Variants in ZYX observed in about 807,000 individuals in gnomAD.
ZYX encodes the protein zyxin.
Under a neutral mutation model 58.1 loss-of-function variants are expected in ZYX, and 37 were observed. That is an observed-to-expected ratio of 0.64 (90% CI 0.49 to 0.84). The LOEUF is 0.84. Ranked by LOEUF, ZYX falls within the 40% of genes least tolerant of loss-of-function variation. The pLI, the probability that ZYX is intolerant of heterozygous loss-of-function variation, is 0.00. For missense variants in ZYX, 762 were observed against 761.6 expected (o/e 1.00, Z -0.01); for synonymous variants, 324 against 321.1 (o/e 1.01, Z -0.10).
Position 143,388,390 on chromosome 7 carries a change from G to C in ZYX, c.1144+51G>C, listed in dbSNP as rs1452694975. 6.2e-7 allele frequency: 1 copy of C among 1,609,446 alleles called. No individual in the cohort carries two copies. On this transcript the variant is annotated intron_variant, in intron 6 of 9. Coordinates refer to ENST00000322764, the MANE Select transcript of ZYX (RefSeq NM_003461.5). This position sits in a 1 kb window ranked among gnomAD's most constrained non-coding sequence, Gnocchi z 7.5. ...CCACCCTGCCCCCACATCACGGTGG[G>C]GGCCAGGGCTGTGGCTCCACTCCCT... is the stretch of plus-strand genomic sequence containing the variant.
chr7:143,386,677 G>C (rs1804877530), intron 5 of ZYX, among the ~76,000 whole-genome samples: 1 of 152,046 alleles, frequency 6.6e-6, no homozygotes, highest in South Asian at 2.1e-4. Context: ...ATGGGACCAG[G>C]CTGGGGCATG....
In ZYX at chr7:143,388,967, T is replaced by G. The variant is rs1218084497; in HGVS notation, c.1493+22T>G. ...ACAAGTGAGGACCTGCCACCTGCCT[T>G]CTGGGTTCCCGGCGTGCTTGGTCTG... On this transcript the variant is annotated intron_variant, in intron 8 of 9. Coordinates refer to ENST00000322764, the MANE Select transcript of ZYX (RefSeq NM_003461.5). This position sits in a 1 kb window ranked among gnomAD's most constrained non-coding sequence, Gnocchi z 7.5. 1.3e-6 allele frequency: 2 copies of G among 1,596,138 alleles called. No individual in the cohort carries two copies. Among genetic ancestry groups the G allele is most frequent in the South Asian group, 2.2e-5 (2 of 89,604 alleles).
intron 5 of ZYX, 118 bp downstream of exon 5, chr7:143,383,440 G>T (rs1343079801): frequency 2.4e-5 from 31 of 1,290,342 alleles, no homozygotes; most frequent in Non-Finnish European, 3.2e-5. Flanking sequence ...GGGTTGCGGG[G>T]TGGCGGGATA....
chr7:143,385,144 A>G (rs1369262608), intron 5 of ZYX, among the ~76,000 whole-genome samples: 1 of 151,932 alleles, frequency 6.6e-6, no homozygotes, highest in Non-Finnish European at 1.5e-5. Context: ...GGGAGTGAGG[A>G]CTCAAGGCTA....
intron 5 of ZYX, among the ~76,000 whole-genome samples, chr7:143,385,660 C>CTT (rs59995035): frequency 0.066 from 4,569 of 68,926 alleles, 650 homozygotes; most frequent in East Asian, 0.098. Flanking sequence ...TGTGGTATAT[C>CTT]TTTTTTTTTT....
chr7:143,384,091 T>C lies in ZYX; in HGVS notation c.1023+769T>C. On this transcript the variant is annotated intron_variant, in intron 5 of 9. Coordinates refer to ENST00000322764, the MANE Select transcript of ZYX (RefSeq NM_003461.5). The surrounding 1 kb of genome is among the most constrained non-coding windows in gnomAD (Gnocchi z 4.9). ...TACAAAATGGTTCTTGCCTTCTAGT[T>C]CAGGAAATAAGATCGTCCAATTTCT... 6.7e-6 allele frequency: 3 copies of C among 445,092 alleles called. No individual in the cohort carries two copies. Among genetic ancestry groups the C allele is most frequent in the Non-Finnish European group, 1.4e-5 (3 of 213,516 alleles). 27.6% of individuals were successfully genotyped at this position (445,092 alleles called of 1,614,324 possible). A position where few individuals can be genotyped will look rare whatever the true frequency, so the allele number is the denominator to read the frequency against.
chr7:143,385,388 G>A (rs1336867783), intron 5 of ZYX, among the ~76,000 whole-genome samples: 3 of 151,932 alleles, frequency 2.0e-5, no homozygotes, highest in Non-Finnish European at 4.4e-5. Context: ...GTGTGTGGGT[G>A]TGGGTATGGT....
Position 143,387,643 on chromosome 7 carries a change from T to C in ZYX, c.1024-576T>C, listed in dbSNP as rs1804911859. 14 of 467,012 alleles carry C rather than the reference T, an allele frequency of 3.0e-5. 1 individual carries two copies. The highest frequency in any genetic ancestry group is 2.2e-4 in the South Asian group (14 of 64,210). 28.9% of individuals were successfully genotyped at this position (467,012 alleles called of 1,614,324 possible). ...CTGGGGAGGGACCTGAGTGAGGTAG[T>C]TCAGAGGCCCCTCACTCGAGGGACA... On this transcript the variant is annotated intron_variant, in intron 5 of 9. Coordinates refer to ENST00000322764, the MANE Select transcript of ZYX (RefSeq NM_003461.5). This position sits in a 1 kb window ranked among gnomAD's most constrained non-coding sequence, Gnocchi z 5.8.
In ZYX at chr7:143,388,038, T is replaced by C; in HGVS notation, c.1024-181T>C. 1.5e-6 allele frequency: 1 copy of C among 673,212 alleles called. No individual in the cohort carries two copies. The allele number at this position is 673,212 out of a possible 1,614,324, so 41.7% of individuals were successfully genotyped here. Reference sequence around the variant, plus strand: ...AGGCTTAGGTCCCTTCCCCTGTTATTTGTGTGGTGCTGGGGATGGCGGGGG... The same window carrying C: ...AGGCTTAGGTCCCTTCCCCTGTTATCTGTGTGGTGCTGGGGATGGCGGGGG... On this transcript the variant is annotated intron_variant, in intron 5 of 9. Transcript: ENST00000322764. The surrounding 1 kb of genome is among the most constrained non-coding windows in gnomAD (Gnocchi z 7.5).
chr7:143,387,899 A>G lies in ZYX; in HGVS notation c.1024-320A>G. 2.0e-6 allele frequency: 1 copy of G among 507,720 alleles called. No individual in the cohort carries two copies. The highest frequency in any genetic ancestry group is 1.5e-5 in the South Asian group (1 of 64,868). 31.5% of individuals were successfully genotyped at this position (507,720 alleles called of 1,614,324 possible). On this transcript the variant is annotated intron_variant, in intron 5 of 9. Coordinates refer to ENST00000322764, the MANE Select transcript of ZYX (RefSeq NM_003461.5). The surrounding 1 kb of genome is among the most constrained non-coding windows in gnomAD (Gnocchi z 5.8). ...GTGGCCCTGGAGTGTCCGGTGCTTC[A>G]GTGACCCGAGCTGCTGTGTGCGTGG...
Position 143,384,053 on chromosome 7 carries a change from G to T in ZYX, c.1023+731G>T. ...ATCTAGTACAGGAATGCTCAAAATA[G>T]AAAAGCTGTAATTACAAAATGGTTC... is the stretch of plus-strand genomic sequence containing the variant. On this transcript the variant is annotated intron_variant, in intron 5 of 9. Transcript: ENST00000322764. This position sits in a 1 kb window ranked among gnomAD's most constrained non-coding sequence, Gnocchi z 4.9. The T allele has an allele frequency of 2.5e-6, 1 of 405,052 alleles. No individual in the cohort carries two copies. The allele number at this position is 405,052 out of a possible 1,614,324, so 25.1% of individuals were successfully genotyped here.
Position 143,390,779 on chromosome 7 carries a change from T to C in ZYX, c.*97T>C. 3.2e-6 allele frequency: 3 copies of C among 943,796 alleles called. No individual in the cohort carries two copies. Among genetic ancestry groups the C allele is most frequent in the Non-Finnish European group, 4.9e-6 (3 of 612,334 alleles). The allele number at this position is 943,796 out of a possible 1,614,324, so 58.5% of individuals were successfully genotyped here. A position where few individuals can be genotyped will look rare whatever the true frequency, so the allele number is the denominator to read the frequency against. ...CCACCTCAGTTATTGTTTTGATGTC[T>C]AGCCCCTCCCATTTCCAACCCCTCC... On this transcript the variant is annotated 3_prime_UTR_variant, in exon 10 of 10. Coordinates refer to ENST00000322764, the MANE Select transcript of ZYX (RefSeq NM_003461.5). This position sits in a 1 kb window ranked among gnomAD's most constrained non-coding sequence, Gnocchi z 4.3.
chr7:143,387,641 A>G lies in ZYX; in HGVS notation c.1024-578A>G, dbSNP rs1804911621. On this transcript the variant is annotated intron_variant, in intron 5 of 9. Coordinates refer to ENST00000322764, the MANE Select transcript of ZYX (RefSeq NM_003461.5). This position sits in a 1 kb window ranked among gnomAD's most constrained non-coding sequence, Gnocchi z 5.8. ...TGCTGGGGAGGGACCTGAGTGAGGT[A>G]GTTCAGAGGCCCCTCACTCGAGGGA... 2 of 466,128 alleles carry G rather than the reference A, an allele frequency of 4.3e-6. No individual in the cohort carries two copies. Among genetic ancestry groups the G allele is most frequent in the Non-Finnish European group, 8.9e-6 (2 of 224,060 alleles). 28.9% of individuals were successfully genotyped at this position (466,128 alleles called of 1,614,324 possible).
At position 143,390,425 on chromosome 7, in the gene ZYX, TGG is replaced by T. The variant is rs1805028872; in HGVS notation, c.1615-150_1615-149del. On this transcript the variant is annotated intron_variant, in intron 9 of 9. Transcript: ENST00000322764. This position sits in a 1 kb window ranked among gnomAD's most constrained non-coding sequence, Gnocchi z 4.3. ...TGGGTGACTGGAAGTAGGATAGGGATGGGGAGTTGGGTGTGGCTGGAAAAAGC... is the reference window on the plus strand; with the variant it reads ...TGGGTGACTGGAAGTAGGATAGGGATGGAGTTGGGTGTGGCTGGAAAAAGC... 5 of 639,556 alleles carry T rather than the reference TGG, an allele frequency of 7.8e-6. No individual in the cohort carries two copies. The South Asian group carries it at 9.1e-5, about 12-fold the overall frequency. 39.6% of individuals were successfully genotyped at this position (639,556 alleles called of 1,614,324 possible).
chr7:143,383,522 G>T (rs1359414010), intron 5 of ZYX, among the ~76,000 whole-genome samples, 200 bp downstream of exon 5: 1 of 152,192 alleles, frequency 6.6e-6, no homozygotes, highest in South Asian at 2.1e-4. Flanking sequence ...GAGAGGCCTG[G>T]CTGGGTGTGG....
intron 2 of ZYX, 112 bp from the exon 3 acceptor site, chr7:143,382,136 C>G: frequency 1.4e-5 from 13 of 939,036 alleles, no homozygotes; most frequent in Non-Finnish European, 2.0e-5. Flanking sequence ...TCCCCACACG[C>G]TCTGGGACCC....
intron 5 of ZYX, among the ~76,000 whole-genome samples, chr7:143,385,521 C>T (rs1363289296): frequency 6.6e-6 from 1 of 151,428 alleles, no homozygotes; most frequent in Non-Finnish European, 1.5e-5. Flanking sequence ...AAGGTGTGTG[C>T]ATGTGTGAGT....
intron 5 of ZYX, among the ~76,000 whole-genome samples, chr7:143,383,573 G>A (rs1294380965): frequency 6.6e-6 from 1 of 152,184 alleles, no homozygotes; most frequent in African/African-American, 2.4e-5. Context: ...GAGAGCATGG[G>A]CTCTGAATTA....
At position 143,388,006 on chromosome 7, in the gene ZYX, G is replaced by C; in HGVS notation, c.1024-213G>C. 3.2e-6 allele frequency: 2 copies of C among 622,412 alleles called. No individual in the cohort carries two copies. Among genetic ancestry groups the C allele is most frequent in the South Asian group, 3.6e-5 (2 of 55,964 alleles). 38.6% of individuals were successfully genotyped at this position (622,412 alleles called of 1,614,324 possible). A position where few individuals can be genotyped will look rare whatever the true frequency, so the allele number is the denominator to read the frequency against. ...AGTGGGTGGAAATGTCTTGCTGTACGAGATCCAGGCTTAGGTCCCTTCCCC... is the reference window on the plus strand; with the variant it reads ...AGTGGGTGGAAATGTCTTGCTGTACCAGATCCAGGCTTAGGTCCCTTCCCC... On this transcript the variant is annotated intron_variant, in intron 5 of 9. Transcript: ENST00000322764. The surrounding 1 kb of genome is among the most constrained non-coding windows in gnomAD (Gnocchi z 7.5).
Sources: allele counts gnomAD v4.1 joint callset (sites outside exome capture counted in the v4.1 genomes callset), GRCh38; gene constraint gnomAD v4.1.1; non-coding constraint Gnocchi (gnomAD v3.1); transcripts MANE v1.5; gene names NCBI Gene and HGNC (gene_info 2026-07-23, HGNC 2026-07-21).